LDLRAD4: variants seen among roughly 807,000 people sequenced by gnomAD.
The protein encoded by LDLRAD4 is low-density lipoprotein receptor class A domain-containing protein 4.
LDLRAD4 carries 5 observed loss-of-function variants against 17.0 expected under a neutral mutation model. That is an observed-to-expected ratio of 0.29 (90% CI 0.15 to 0.62). The LOEUF (loss-of-function observed/expected upper bound fraction) is 0.62, where lower values mean the gene tolerates loss of function less well. Among genes scored for constraint, LDLRAD4 ranks in the 20% least tolerant of loss-of-function variants. The probability of loss-of-function intolerance (pLI) is 0.84; values close to 1 mark genes in which losing one functional copy is unlikely to be tolerated. For synonymous variants in LDLRAD4, 168 were observed against 171.8 expected (o/e 0.98, Z 0.17); for missense variants, 340 against 424.7 (o/e 0.80, Z 1.75).
intron 1 of LDLRAD4, among the ~76,000 whole-genome samples, chr18:13,359,080 G>T (rs1003834443): frequency 6.6e-6 from 1 of 152,216 alleles, no homozygotes; most frequent in Non-Finnish European, 1.5e-5. Context: ...TAGGAGCTTG[G>T]TGTTTTCATC....
Position 13,622,641 on chromosome 18 carries a change from A to C in LDLRAD4, c.336+1370A>C, listed in dbSNP as rs1459493569. On this transcript the variant is annotated intron_variant, in intron 4 of 5. Transcript: ENST00000359446. The surrounding 1 kb of genome is among the most constrained non-coding windows in gnomAD (Gnocchi z 5.3). ...ATCCAGACGCACTGAACACTTTGGC[A>C]TCCTGATGCCTGTAGATTGTTGGAC... Among the ~76,000 whole-genome samples, 2 of 152,192 alleles carry C rather than the reference A, an allele frequency of 1.3e-5. No homozygotes were observed. The highest frequency in any genetic ancestry group is 4.8e-5 in the African/African-American group (2 of 41,440).
Position 13,353,760 on chromosome 18 carries a change from C to G in LDLRAD4, c.-382-33581C>G, listed in dbSNP as rs143381552. ...TGCCTCCTCCAGCCCAAGGCTACAC[C>G]AGGCTGGGAAGTAGGGGAAAAAAGA... On this transcript the variant is annotated intron_variant, in intron 1 of 5. Coordinates refer to ENST00000359446, the Ensembl canonical transcript of LDLRAD4. 1.4e-4 allele frequency among the ~76,000 whole-genome samples: 22 copies of G among 152,318 alleles called. No homozygotes were observed. The East Asian group carries it at 3.9e-3, about 27-fold the overall frequency.
chr18:13,243,574 C>T (rs1198179734), intron 1 of LDLRAD4, among the ~76,000 whole-genome samples: 1 of 151,446 alleles, frequency 6.6e-6, no homozygotes, highest in African/African-American at 2.4e-5. Flanking sequence ...TGCACCTACC[C>T]ACCCATTCCT....
At chr18:13,494,723 C>T (rs2093430308) in intron 3 of LDLRAD4, among the ~76,000 whole-genome samples, 8 of 51,428 alleles carry the variant, frequency 1.6e-4, no homozygotes, top group African/African-American at 5.3e-4. Flanking sequence ...TATACACATA[C>T]ACATTGAATA....
At chr18:13,519,400 C>T (rs1287875204) in intron 3 of LDLRAD4, among the ~76,000 whole-genome samples, 1 of 152,128 alleles carries the variant, frequency 6.6e-6, no homozygotes, top group Non-Finnish European at 1.5e-5. Flanking sequence ...CTTGGGTTTC[C>T]CTTCTTTCAT....
intron 1 of LDLRAD4, among the ~76,000 whole-genome samples, chr18:13,286,608 T>C (rs1567968844): frequency 6.6e-6 from 1 of 152,290 alleles, no homozygotes; most frequent in East Asian, 1.9e-4. Context: ...CCTGGCGCCA[T>C]GAGGTTTTGA....
At chr18:13,627,260 CAAAAATAAAAAAATA>C (rs1487093136) in intron 4 of LDLRAD4, among the ~76,000 whole-genome samples, 1 of 151,812 alleles carries the variant, frequency 6.6e-6, no homozygotes, top group Non-Finnish European at 1.5e-5. Context: ...GACGCCATCT[CAAAAATAAAAAAATA>C]AAAAATAAAA....
chr18:13,341,539 T>C (rs2082372814), intron 1 of LDLRAD4, among the ~76,000 whole-genome samples: 1 of 152,134 alleles, frequency 6.6e-6, no homozygotes, highest in African/African-American at 2.4e-5. Context: ...TCATTGTTAG[T>C]GTATGATAAT....
chr18:13,472,324 G>A (rs992659044), intron 3 of LDLRAD4: 11 of 152,234 alleles, frequency 7.2e-5, no homozygotes, highest in African/African-American at 2.4e-4. Context: ...TTTTCATTCA[G>A]CCACTGGACG....
intron 1 of LDLRAD4, among the ~76,000 whole-genome samples, chr18:13,288,493 G>T (rs2045762252): frequency 6.6e-6 from 1 of 152,068 alleles, no homozygotes; most frequent in African/African-American, 2.4e-5. Flanking sequence ...TTAAAATATT[G>T]CTGAAAAATT....
chr18:13,448,246 G>A (rs553284351), intron 3 of LDLRAD4, among the ~76,000 whole-genome samples: 2 of 152,300 alleles, frequency 1.3e-5, no homozygotes, highest in South Asian at 4.1e-4. Context: ...CAGCCCGCGG[G>A]GTGACCTGCG....
At chr18:13,365,777 CTGAT>C (rs1228754089) in intron 1 of LDLRAD4, among the ~76,000 whole-genome samples, 24 of 152,322 alleles carry the variant, frequency 1.6e-4, no homozygotes, top group African/African-American at 5.5e-4. Context: ...GATTATTTGA[CTGAT>C]TGATTGATTT....
At chr18:13,449,517 A>C (rs2091651492) in intron 3 of LDLRAD4, among the ~76,000 whole-genome samples, 1 of 152,194 alleles carries the variant, frequency 6.6e-6, no homozygotes, top group African/African-American at 2.4e-5. Flanking sequence ...CCAGGCTCAT[A>C]CGTGTGCTTG....
intron 3 of LDLRAD4, among the ~76,000 whole-genome samples, chr18:13,494,163 A>G (rs1179396082): frequency 3.9e-5 from 6 of 152,208 alleles, no homozygotes; most frequent in Non-Finnish European, 7.3e-5. Flanking sequence ...TGACAGGTGG[A>G]AAAGGAAGGT....
intron 3 of LDLRAD4, among the ~76,000 whole-genome samples, chr18:13,579,933 C>A (rs1335432917): frequency 6.6e-6 from 1 of 152,206 alleles, no homozygotes; most frequent in Non-Finnish European, 1.5e-5. Context: ...CTGTCCGATG[C>A]TGTGAGAGCC....
chr18:13,223,284 T>C (rs1415071411), intron 1 of LDLRAD4, among the ~76,000 whole-genome samples: 1 of 151,964 alleles, frequency 6.6e-6, no homozygotes, highest in Non-Finnish European at 1.5e-5. Flanking sequence ...ACCTAGAGAG[T>C]CTCCTGAAAG....
intron 4 of LDLRAD4, among the ~76,000 whole-genome samples, chr18:13,639,063 A>G (rs2042307453): frequency 6.6e-6 from 1 of 152,250 alleles, no homozygotes; most frequent in Non-Finnish European, 1.5e-5. Flanking sequence ...TTATTAACAA[A>G]GTTTTGTTCC....
chr18:13,309,724 A>G (rs2047121666), intron 1 of LDLRAD4, among the ~76,000 whole-genome samples: 1 of 152,092 alleles, frequency 6.6e-6, no homozygotes, highest in Admixed American at 6.6e-5. Context: ...GGAGGTGTGC[A>G]TGAGAGTGGG....
intron 3 of LDLRAD4, among the ~76,000 whole-genome samples, chr18:13,454,224 G>A (rs1270643237): frequency 6.6e-6 from 1 of 152,188 alleles, no homozygotes; most frequent in Non-Finnish European, 1.5e-5. Flanking sequence ...GGGTGCAGTC[G>A]TTTGATGAAA....
Sources: gnomAD v4.1 joint callset for allele counts (sites outside exome capture counted in the v4.1 genomes callset) on GRCh38, gnomAD v4.1.1 for gene constraint, Gnocchi (gnomAD v3.1) non-coding constraint, MANE v1.5 for transcripts, NCBI Gene and HGNC (gene_info 2026-07-23, HGNC 2026-07-21) for gene names.